Variants in ADGRL2 observed in about 807,000 individuals in gnomAD.
The protein encoded by ADGRL2 is adhesion G protein-coupled receptor L2.
ADGRL2 carries 44 observed loss-of-function variants against 157.4 expected under a neutral mutation model. That is an observed-to-expected ratio of 0.28 (90% CI 0.22 to 0.36). The LOEUF (loss-of-function observed/expected upper bound fraction) is 0.36. Ranked by LOEUF, ADGRL2 falls within the 10% of genes least tolerant of loss-of-function variation. The pLI, the probability that ADGRL2 is intolerant of heterozygous loss-of-function variation, is 1.00. For missense variants in ADGRL2, 1,510 were observed against 1,768.9 expected, an observed-to-expected ratio of 0.85 and a Z score of 2.63; for synonymous variants, 585 against 624.7, an observed-to-expected ratio of 0.94 and a Z score of 0.95.
chr1:81,392,678 T>C (rs1028076556), intron 1 of ADGRL2, among the ~76,000 whole-genome samples: 7 of 152,148 alleles, frequency 4.6e-5, no homozygotes, highest in Non-Finnish European at 1.0e-4. Flanking sequence ...TAGGGAGATA[T>C]GTGTTTGACT....
At chr1:81,464,801 G>T (rs1248719867) in intron 2 of ADGRL2, among the ~76,000 whole-genome samples, 2 of 152,052 alleles carry the variant, frequency 1.3e-5, no homozygotes, top group South Asian at 2.1e-4. Context: ...TACATGAGGG[G>T]TGGCATATAA....
rs1491576683 is a variant in ADGRL2, at chr1:81,511,426, A to ACACG, written c.-248+66337_-248+66338insCACG. Among the ~76,000 whole-genome samples, 1,448 of 150,718 alleles carry ACACG rather than the reference A, an allele frequency of 9.6e-3. 23 individuals carry two copies. Among genetic ancestry groups the ACACG allele is most frequent in the African/African-American group, 0.034 (1,376 of 40,752 alleles). ...CACACACACACACACACACACACAC[A>ACACG]TAGACACATACAAGAAAACACCAAC... is the stretch of plus-strand genomic sequence containing the variant. On this transcript the variant is annotated intron_variant, in intron 2 of 24. Transcript: ENST00000370721.
In ADGRL2 at chr1:81,954,851, C is replaced by T. The variant is rs573188945; in HGVS notation, c.1834-1026C>T. Among the ~76,000 whole-genome samples the T allele has an allele frequency of 2.6e-5, 4 of 152,256 alleles. No homozygotes were observed. In the East Asian group the frequency reaches 5.8e-4, roughly 22 times the overall value. ...CTGTTCATATAGTACCTCACGCTAG[C>T]AATTTTTATTGTTGTTCTTTTTGTA... On this transcript the variant is annotated intron_variant, in intron 10 of 23. Transcript: ENST00000686636.
intron 2 of ADGRL2, among the ~76,000 whole-genome samples, chr1:81,775,061 C>G (rs939721893): frequency 1.3e-5 from 2 of 152,042 alleles, no homozygotes; most frequent in Non-Finnish European, 2.9e-5. Context: ...TAACACTATT[C>G]ATATCGATAT....
chr1:81,341,265 AT>A (rs1237533097), intron 1 of ADGRL2, among the ~76,000 whole-genome samples: 4 of 152,152 alleles, frequency 2.6e-5, no homozygotes, highest in South Asian at 2.1e-4. Context: ...GTAAAAATAT[AT>A]TTTTTTGAAA....
At chr1:81,537,121 C>G (rs570567665) in intron 2 of ADGRL2, among the ~76,000 whole-genome samples, 5 of 152,010 alleles carry the variant, frequency 3.3e-5, no homozygotes, top group Non-Finnish European at 5.9e-5. Flanking sequence ...ATTACATATA[C>G]GGAATATGTC....
intron 3 of ADGRL2, among the ~76,000 whole-genome samples, chr1:81,654,121 T>A (rs761817296): frequency 1.3e-5 from 2 of 152,134 alleles, no homozygotes; most frequent in Non-Finnish European, 2.9e-5. Flanking sequence ...AATTTTTGTA[T>A]TTTTAGTAGA....
In ADGRL2 at chr1:81,990,413, G is replaced by T. The variant is rs764231254; in HGVS notation, c.3678G>T (p.Arg1226Ser). Residue 1226 changes from arginine (R) to serine (S), a missense_variant, in exon 24 of 24, where the codon AGG becomes AGT. By Grantham distance (110) the Arg-to-Ser change is moderately radical. Transcript: ENST00000686636. ...CAGGACATTCACTGAACAATGCCAG[G>T]GATACAAGTGCCATGGATACTCTAC... ...RETRHSLNNA[R>S]DTSAMDTLPL... The T allele has an allele frequency of 6.2e-7, 1 of 1,613,766 alleles. No individual in the cohort carries two copies. Among genetic ancestry groups the T allele is most frequent in the Admixed American group, 1.7e-5 (1 of 59,998 alleles).
intron 2 of ADGRL2, among the ~76,000 whole-genome samples, chr1:81,852,788 T>C (rs2093060138): frequency 6.6e-6 from 1 of 152,114 alleles, no homozygotes; most frequent in African/African-American, 2.4e-5. Flanking sequence ...ATACATACTT[T>C]CATGGTTTTG....
intron 1 of ADGRL2, among the ~76,000 whole-genome samples, chr1:81,372,103 C>A (rs1198358582): frequency 6.6e-6 from 1 of 152,086 alleles, no homozygotes; most frequent in Admixed American, 6.6e-5. Context: ...AACAACCTAT[C>A]CATTGTTCAT....
intron 1 of ADGRL2, among the ~76,000 whole-genome samples, chr1:81,360,083 T>G (rs999283361): frequency 6.6e-6 from 1 of 152,016 alleles, no homozygotes. Context: ...GACTGGATAT[T>G]CAACATGGCC....
chr1:81,692,266 A>C (rs1322713215), intron 3 of ADGRL2, among the ~76,000 whole-genome samples: 1 of 151,962 alleles, frequency 6.6e-6, no homozygotes, highest in African/African-American at 2.4e-5. Context: ...AATTAGCTGC[A>C]CTCCAGCCTG....
chr1:81,876,999 C>A (rs1290458010), intron 2 of ADGRL2, among the ~76,000 whole-genome samples: 5 of 152,124 alleles, frequency 3.3e-5, no homozygotes, highest in African/African-American at 1.2e-4. Context: ...GAGTGCTCTT[C>A]TTAACCACTC....
chr1:81,808,978 G>A (rs2089513649), intron 1 of ADGRL2, among the ~76,000 whole-genome samples: 2 of 152,060 alleles, frequency 1.3e-5, no homozygotes, highest in African/African-American at 4.8e-5. Flanking sequence ...AAATAGAGAT[G>A]TTTAAATCAG....
intron 2 of ADGRL2, among the ~76,000 whole-genome samples, chr1:81,555,130 A>G (rs2080241537): frequency 6.6e-6 from 1 of 152,116 alleles, no homozygotes; most frequent in African/African-American, 2.4e-5. Context: ...CCACAGGAGT[A>G]CTGCCAGTCA....
intron 1 of ADGRL2, among the ~76,000 whole-genome samples, chr1:81,417,068 T>G (rs997636999): frequency 1.3e-5 from 2 of 152,146 alleles, no homozygotes; most frequent in African/African-American, 4.8e-5. Flanking sequence ...CTATATTCTA[T>G]GTACAAAAAG....
intron 3 of ADGRL2, among the ~76,000 whole-genome samples, chr1:81,674,466 T>C (rs191647953): frequency 9.2e-5 from 14 of 152,352 alleles, no homozygotes; most frequent in Admixed American, 9.1e-4. Context: ...CATCAGCTAG[T>C]CAGGCATGTG....
intron 3 of ADGRL2, among the ~76,000 whole-genome samples, chr1:81,615,568 CTTTAA>C (rs2081627516): frequency 6.6e-6 from 1 of 152,332 alleles, no homozygotes; most frequent in South Asian, 2.1e-4. Context: ...GACACACCAT[CTTTAA>C]GAACTGTAAC....
intron 2 of ADGRL2, among the ~76,000 whole-genome samples, chr1:81,560,563 CAT>C (rs2080416927): frequency 6.6e-6 from 1 of 152,130 alleles, no homozygotes; most frequent in South Asian, 2.1e-4. Flanking sequence ...GAATTCAACA[CAT>C]CTTTTTCTGT....
Sources: gnomAD v4.1 joint callset for allele counts (sites outside exome capture counted in the v4.1 genomes callset) on GRCh38, gnomAD v4.1.1 for gene constraint, MANE v1.5 for transcripts, NCBI Gene and HGNC (gene_info 2026-07-23, HGNC 2026-07-21) for gene names.